Variants in MLLT10 observed in about 807,000 individuals in gnomAD.
The protein encoded by MLLT10 is MLLT10 histone lysine methyltransferase DOT1L cofactor.
MLLT10 carries 30 observed loss-of-function variants against 129.1 expected under a neutral mutation model. That is an observed-to-expected ratio of 0.23 (90% CI 0.17 to 0.32). MLLT10 has a LOEUF of 0.32. MLLT10 is among the 10% of genes least tolerant of loss of function. The probability of loss-of-function intolerance (pLI) is 1.00; values close to 1 mark genes in which losing one functional copy is unlikely to be tolerated. For synonymous variants in MLLT10, 490 were observed against 446.4 expected (o/e 1.10, Z -1.23); for missense variants, 1,119 against 1,268.3 (o/e 0.88, Z 1.79).
chr10:21,574,997 C>A (rs144035301), intron 3 of MLLT10, among the ~76,000 whole-genome samples: 1 of 152,048 alleles, frequency 6.6e-6, no homozygotes, highest in African/African-American at 2.4e-5. Flanking sequence ...ATTTCCCCAG[C>A]CCCTGTTCAA....
intron 3 of MLLT10, among the ~76,000 whole-genome samples, chr10:21,553,217 A>C (rs2037365625): frequency 6.6e-6 from 1 of 152,164 alleles, no homozygotes; most frequent in Non-Finnish European, 1.5e-5. Context: ...TGTTTGACAG[A>C]ATACATAGAA....
chr10:21,639,905 G>C (rs1415601837), intron 8 of MLLT10, among the ~76,000 whole-genome samples: 5 of 151,814 alleles, frequency 3.3e-5, no homozygotes, highest in African/African-American at 1.2e-4. Flanking sequence ...GCCTGTCTTG[G>C]GGAGAAAAAG....
At chr10:21,684,609 A>G (rs552007640) in intron 13 of MLLT10, among the ~76,000 whole-genome samples, 3 of 152,268 alleles carry the variant, frequency 2.0e-5, no homozygotes, top group African/African-American at 4.8e-5. Flanking sequence ...TGTTTCAGCA[A>G]ACTCCTAACC....
chr10:21,584,720 A>G (rs1310066146), intron 3 of MLLT10, among the ~76,000 whole-genome samples: 2 of 151,674 alleles, frequency 1.3e-5, no homozygotes, highest in Admixed American at 6.6e-5. Context: ...AAGTGTATAT[A>G]TATTTATATG....
chr10:21,667,520 GT>G (rs930904906), intron 9 of MLLT10, among the ~76,000 whole-genome samples: 7 of 141,876 alleles, frequency 4.9e-5, no homozygotes, highest in Admixed American at 7.0e-5. Context: ...ACAGCTCACT[GT>G]TTTTTTTTTA....
chr10:21,696,310 A>AT (rs1489361285), intron 13 of MLLT10, among the ~76,000 whole-genome samples: 11 of 150,722 alleles, frequency 7.3e-5, no homozygotes, highest in Middle Eastern at 3.2e-3. Flanking sequence ...TTTAGGTAAT[A>AT]TTTTTTTTCC....
At chr10:21,586,886 A>C (rs201472186) in intron 4 of MLLT10, among the ~76,000 whole-genome samples, 1 of 146,798 alleles carries the variant, frequency 6.8e-6, no homozygotes, top group Non-Finnish European at 1.5e-5. Flanking sequence ...GACTGTCTCC[A>C]AAAAAAAAAA....
At chr10:21,582,369 C>G (rs1004078874) in intron 3 of MLLT10, among the ~76,000 whole-genome samples, 1 of 152,168 alleles carries the variant, frequency 6.6e-6, no homozygotes, top group African/African-American at 2.4e-5. Flanking sequence ...ATCTGCCCGC[C>G]TCAGCCTCCC....
intron 8 of MLLT10, among the ~76,000 whole-genome samples, chr10:21,645,033 C>T (rs1479313278): frequency 6.6e-6 from 1 of 152,140 alleles, no homozygotes; most frequent in African/African-American, 2.4e-5. Context: ...TGTTTCTTCC[C>T]TGAAGCTAGT....
At chr10:21,609,871 G>C (rs1267167644) in intron 5 of MLLT10, among the ~76,000 whole-genome samples, 1 of 151,896 alleles carries the variant, frequency 6.6e-6, no homozygotes, top group Non-Finnish European at 1.5e-5. Context: ...ACAGTGTGAT[G>C]TTTTCTCTCT....
At chr10:21,625,076 C>T in intron 8 of MLLT10, 1 of 872,634 alleles carries the variant, frequency 1.1e-6, no homozygotes, top group Middle Eastern at 2.3e-4. Flanking sequence ...CTGTAGTAAT[C>T]TTCATGCCAT....
In MLLT10 at chr10:21,629,248, A is replaced by G. The variant is rs554441497; in HGVS notation, c.699+12041A>G. On this transcript the variant is annotated intron_variant, in intron 8 of 22. Transcript: ENST00000307729. ...CTGGCCTCGGAAGTCACACGGTATC[A>G]TTTTCTTTTTCTGACTAAATGTCTT... Among the ~76,000 whole-genome samples the G allele has an allele frequency of 2.7e-5, 4 of 150,718 alleles. No individual in the cohort carries two copies. The South Asian group carries it at 8.4e-4, about 32-fold the overall frequency.
intron 9 of MLLT10, among the ~76,000 whole-genome samples, chr10:21,663,105 T>G (rs1193883974): frequency 6.6e-6 from 1 of 152,124 alleles, no homozygotes; most frequent in Non-Finnish European, 1.5e-5. Flanking sequence ...TTTTCCCCCT[T>G]TATTGGAGGG....
chr10:21,543,920 T>C (rs752642162), intron 3 of MLLT10, among the ~76,000 whole-genome samples: 15 of 152,344 alleles, frequency 9.8e-5, no homozygotes, highest in Admixed American at 3.3e-4. Flanking sequence ...ATTAGTCTTA[T>C]GAATCTTTTT....
intron 3 of MLLT10, among the ~76,000 whole-genome samples, chr10:21,548,993 G>A (rs1162249112): frequency 6.6e-6 from 1 of 152,028 alleles, no homozygotes; most frequent in Non-Finnish European, 1.5e-5. Context: ...TGTCTTTCCT[G>A]GGATTCCTGT....
chr10:21,693,841 A>G (rs1488221575), intron 13 of MLLT10, among the ~76,000 whole-genome samples: 2 of 152,008 alleles, frequency 1.3e-5, no homozygotes, highest in East Asian at 3.9e-4. Context: ...ATTTGTTTAG[A>G]TGTTTGTTTT....
intron 3 of MLLT10, among the ~76,000 whole-genome samples, chr10:21,581,371 A>G (rs1178090297): frequency 5.9e-5 from 9 of 151,708 alleles, no homozygotes; most frequent in Non-Finnish European, 1.0e-4. Context: ...AACATAGAAA[A>G]GGTACAGCTA....
chr10:21,534,291 C>G lies in MLLT10; in HGVS notation c.-230C>G, dbSNP rs2033350972. The G allele has an allele frequency of 2.5e-6, 1 of 392,240 alleles. No individual in the cohort carries two copies. The highest frequency in any genetic ancestry group is 4.5e-5 in the Admixed American group (1 of 22,338). 24.3% of individuals were successfully genotyped at this position (392,240 alleles called of 1,614,324 possible). A position where few individuals can be genotyped will look rare whatever the true frequency, so the allele number is the denominator to read the frequency against. On this transcript the variant is annotated 5_prime_UTR_variant, in exon 1 of 23. Coordinates refer to ENST00000307729, the MANE Select transcript of MLLT10 (RefSeq NM_001195626.3). ...AGCCCCCTTCCCCTCCCTCGCTGCCCCTGGCCCAGCGGGAGCCCCCCCTCC... is the reference window on the plus strand; with the variant it reads ...AGCCCCCTTCCCCTCCCTCGCTGCCGCTGGCCCAGCGGGAGCCCCCCCTCC...
chr10:21,731,602 G>T (rs552633639), intron 17 of MLLT10, among the ~76,000 whole-genome samples: 8 of 152,058 alleles, frequency 5.3e-5, no homozygotes, highest in Non-Finnish European at 1.2e-4. Context: ...TGGCCGGCTA[G>T]CTTCTTCATT....
Sources: allele counts gnomAD v4.1 joint callset (sites outside exome capture counted in the v4.1 genomes callset), GRCh38; gene constraint gnomAD v4.1.1; transcripts MANE v1.5; gene names NCBI Gene and HGNC (gene_info 2026-07-23, HGNC 2026-07-21).